PPP1R16B: variants seen among roughly 807,000 people sequenced by gnomAD.
The protein encoded by PPP1R16B is protein phosphatase 1 regulatory subunit 16B, also known as protein phosphatase 1 regulatory inhibitor subunit 16B.
Under a neutral mutation model 61.7 loss-of-function variants are expected in PPP1R16B, and 14 were observed. That is an observed-to-expected ratio of 0.23 (90% confidence interval 0.15 to 0.35). The LOEUF (loss-of-function observed/expected upper bound fraction) is 0.35. Among genes scored for constraint, PPP1R16B ranks in the 10% least tolerant of loss-of-function variants. The probability of loss-of-function intolerance (pLI) is 1.00; values close to 1 mark genes in which losing one functional copy is unlikely to be tolerated. For missense variants in PPP1R16B, 547 were observed against 752.5 expected, an observed-to-expected ratio of 0.73 and a Z score of 3.19; for synonymous variants, 266 against 305.3, an observed-to-expected ratio of 0.87 and a Z score of 1.34.
At chr20:38,848,830 G>A (rs765262675) in intron 2 of PPP1R16B, among the ~76,000 whole-genome samples, 28 of 152,146 alleles carry the variant, frequency 1.8e-4, no homozygotes, top group Non-Finnish European at 3.4e-4. Context: ...GTGGGAGGAG[G>A]GAGGAGATCA....
chr20:38,866,744 T>C (rs917926168), intron 2 of PPP1R16B, among the ~76,000 whole-genome samples: 2 of 152,206 alleles, frequency 1.3e-5, no homozygotes, highest in Non-Finnish European at 2.9e-5. Flanking sequence ...AAAGTACTGG[T>C]GTTTTCTTTT....
At chr20:38,823,377 ACAC>A (rs2084784575) in intron 1 of PPP1R16B, among the ~76,000 whole-genome samples, 1 of 152,230 alleles carries the variant, frequency 6.6e-6, no homozygotes, top group Non-Finnish European at 1.5e-5. Context: ...ACGGTGGCTC[ACAC>A]CTGTAATCCC....
chr20:38,859,644 A>AC (rs957310027), intron 2 of PPP1R16B, among the ~76,000 whole-genome samples: 1 of 152,088 alleles, frequency 6.6e-6, no homozygotes, highest in Non-Finnish European at 1.5e-5. Flanking sequence ...GGCACATGCC[A>AC]CCACACCTGG....
chr20:38,888,916 CA>C (rs1568675479), intron 2 of PPP1R16B, among the ~76,000 whole-genome samples: 6 of 151,532 alleles, frequency 4.0e-5, no homozygotes, highest in East Asian at 1.9e-4. Context: ...CACACACACA[CA>C]CACACACACA....
At chr20:38,880,626 C>G (rs910561132) in intron 2 of PPP1R16B, among the ~76,000 whole-genome samples, 2 of 152,114 alleles carry the variant, frequency 1.3e-5, no homozygotes, top group African/African-American at 4.8e-5. Context: ...CTTGATCACA[C>G]CACTGTACTC....
intron 1 of PPP1R16B, among the ~76,000 whole-genome samples, chr20:38,825,235 T>G (rs1431045055): frequency 6.6e-6 from 1 of 152,206 alleles, no homozygotes; most frequent in Non-Finnish European, 1.5e-5. Context: ...GACAGTGCCT[T>G]GGTCCTTTTC....
At chr20:38,841,488 A>G (rs1167029827) in intron 2 of PPP1R16B, among the ~76,000 whole-genome samples, 1 of 151,866 alleles carries the variant, frequency 6.6e-6, no homozygotes, top group Non-Finnish European at 1.5e-5. Flanking sequence ...TGATTGAACC[A>G]CTGCACTCTA....
Position 38,896,615 on chromosome 20 carries a change from T to C in PPP1R16B, c.467+905T>C, listed in dbSNP as rs1364481838. The stretch of plus-strand genomic sequence containing the variant: ...CAATTTTTTATAGTGATAAAACACA[T>C]ATAACATAAAATACCATCTTACCCA... On this transcript the variant is annotated intron_variant, in intron 4 of 10. Transcript: ENST00000299824. Among the ~76,000 whole-genome samples, 7 of 152,244 alleles carry C rather than the reference T, an allele frequency of 4.6e-5. 1 individual carries two copies. The South Asian group carries it at 1.5e-3, about 32-fold the overall frequency.
intron 2 of PPP1R16B, among the ~76,000 whole-genome samples, chr20:38,879,155 A>G (rs1274951866): frequency 6.6e-6 from 1 of 152,136 alleles, no homozygotes; most frequent in Non-Finnish European, 1.5e-5. Context: ...CGGGGGTCTG[A>G]TGTATTTATG....
rs768815701 is a variant in PPP1R16B at position 38,907,319 on chromosome 20, A to G, written c.898+265A>G. 1.9e-5 allele frequency among the ~76,000 whole-genome samples: 2 copies of G among 102,636 alleles called. No homozygotes were observed. Among genetic ancestry groups the G allele is most frequent in the Non-Finnish European group, 4.3e-5 (2 of 46,900 alleles). 67.3% of individuals were successfully genotyped at this position (102,636 alleles called of 152,430 possible). Reference sequence around the variant, plus strand: ...AATGGATGGGTGGGTGGGTGGATGGATGGATGGATGGATGGATGGATGGAT... The same window carrying G: ...AATGGATGGGTGGGTGGGTGGATGGGTGGATGGATGGATGGATGGATGGAT... On this transcript the variant is annotated intron_variant, in intron 8 of 10. Coordinates refer to ENST00000299824, the MANE Select transcript of PPP1R16B (RefSeq NM_015568.4). This position sits in a 1 kb window ranked among gnomAD's most constrained non-coding sequence, Gnocchi z 4.5.
At chr20:38,885,359 C>T (rs549289641) in intron 2 of PPP1R16B, among the ~76,000 whole-genome samples, 25 of 152,178 alleles carry the variant, frequency 1.6e-4, no homozygotes, top group Admixed American at 3.9e-4. Flanking sequence ...ATTTGTGCAT[C>T]CTTGAACTCT....
chr20:38,896,327 T>C (rs1447357534), intron 4 of PPP1R16B, among the ~76,000 whole-genome samples: 3 of 151,096 alleles, frequency 2.0e-5, no homozygotes, highest in Non-Finnish European at 4.4e-5. Context: ...TCTTTTCTCT[T>C]TTTTTCTCTC....
rs1568657103 is a variant in PPP1R16B, at chr20:38,835,892, GCCC to G, written c.-31_-29del. 1 of 1,513,082 alleles carries G rather than the reference GCCC, an allele frequency of 6.6e-7. No individual in the cohort carries two copies. Among genetic ancestry groups the G allele is most frequent in the Admixed American group, 2.0e-5 (1 of 49,392 alleles). 93.7% of individuals were successfully genotyped at this position (1,513,082 alleles called of 1,614,324 possible). ...CCCTGGCCCCCGGTGCACCGTGCTA[GCCC>G]CCAGCCAGGGCGTTGGGGAGGGCGG... On this transcript the variant is annotated 5_prime_UTR_variant, in exon 2 of 11. Transcript: ENST00000299824.
rs1035476823 is a variant in PPP1R16B, at chr20:38,806,210, C to A, written c.-102+418C>A. ...ACAGCGGACACCAAACAACCCCCCC[C>A]CGCGCACTCTCCCGGCCGGGCATGG... On this transcript the variant is annotated intron_variant, in intron 1 of 10. Coordinates refer to ENST00000299824, the MANE Select transcript of PPP1R16B (RefSeq NM_015568.4). The surrounding 1 kb of genome is among the most constrained non-coding windows in gnomAD (Gnocchi z 4.5). Among the ~76,000 whole-genome samples, 3 of 152,220 alleles carry A rather than the reference C, an allele frequency of 2.0e-5. No individual in the cohort carries two copies. The South Asian group carries it at 6.2e-4, about 32-fold the overall frequency.
At chr20:38,911,159 T>C (rs2085485801) in intron 10 of PPP1R16B, among the ~76,000 whole-genome samples, 1 of 150,730 alleles carries the variant, frequency 6.6e-6, no homozygotes, top group African/African-American at 2.4e-5. Flanking sequence ...TTCTTGTTTT[T>C]TTTTTCTTTT....
chr20:38,882,362 T>TTTG (rs140027108), intron 2 of PPP1R16B, among the ~76,000 whole-genome samples: 23 of 151,542 alleles, frequency 1.5e-4, no homozygotes, highest in South Asian at 4.2e-4. Flanking sequence ...TTTTTTTAAG[T>TTTG]TTGTTGTTGT....
chr20:38,883,171 C>A (rs2085215063), intron 2 of PPP1R16B, among the ~76,000 whole-genome samples: 1 of 152,162 alleles, frequency 6.6e-6, no homozygotes, highest in African/African-American at 2.4e-5. Context: ...CCCAGGGCAC[C>A]CCCCGGGGAG....
In PPP1R16B at chr20:38,900,578, C is replaced by T; in HGVS notation, c.468-3C>T. 1.2e-6 allele frequency: 2 copies of T among 1,600,022 alleles called. No homozygotes were observed. Among genetic ancestry groups the T allele is most frequent in the Non-Finnish European group, 1.7e-6 (2 of 1,173,974 alleles). ...GGCCCTCACCCTGCCTCTTTCTCTG[C>T]AGTGGGGCCGACTTGCTTGCTGTCA... On this transcript the variant is annotated splice_region_variant and splice_polypyrimidine_tract_variant and intron_variant, in intron 4 of 10. Coordinates refer to ENST00000299824, the MANE Select transcript of PPP1R16B (RefSeq NM_015568.4).
chr20:38,836,377 G>A (rs1049461522), intron 2 of PPP1R16B, among the ~76,000 whole-genome samples: 3 of 152,100 alleles, frequency 2.0e-5, no homozygotes, highest in Admixed American at 6.5e-5. Context: ...TCTAAGACAG[G>A]GTCTCGCTCT....
Sources: gnomAD v4.1 joint callset for allele counts (sites outside exome capture counted in the v4.1 genomes callset) on GRCh38, gnomAD v4.1.1 for gene constraint, Gnocchi (gnomAD v3.1) non-coding constraint, MANE v1.5 for transcripts, NCBI Gene and HGNC (gene_info 2026-07-23, HGNC 2026-07-21) for gene names.